Variants in SOX6 observed in about 807,000 individuals in gnomAD.
The protein encoded by SOX6 is SRY-box transcription factor 6, also known as transcription factor SOX-6.
A neutral mutation model predicts 97.8 loss-of-function variants in SOX6; 11 were observed. The ratio of observed to expected loss-of-function variants is 0.11; its 90% CI spans 0.07 to 0.19. The LOEUF (loss-of-function observed/expected upper bound fraction) is 0.19. Among genes scored for constraint, SOX6 ranks in the 10% least tolerant of loss-of-function variants. The pLI, the probability that SOX6 is intolerant of heterozygous loss-of-function variation, is 1.00. For missense variants in SOX6, 810 were observed against 1,039.5 expected (o/e 0.78, Z 3.04); for synonymous variants, 360 against 371.4 (o/e 0.97, Z 0.35).
intron 9 of SOX6, among the ~76,000 whole-genome samples, chr11:16,072,991 C>G (rs1327041445): frequency 6.6e-6 from 1 of 152,180 alleles, no homozygotes; most frequent in Non-Finnish European, 1.5e-5. Flanking sequence ...ACCACAAAAA[C>G]ACACTTAAGT....
chr11:16,257,541 T>C (rs1222224901), intron 3 of SOX6, among the ~76,000 whole-genome samples: 3 of 151,936 alleles, frequency 2.0e-5, no homozygotes, highest in Admixed American at 1.3e-4. Flanking sequence ...TCTTATGCTC[T>C]TCACAAAAAT....
At chr11:16,389,689 C>A (rs1858101972) in intron 1 of SOX6, among the ~76,000 whole-genome samples, 1 of 152,002 alleles carries the variant, frequency 6.6e-6, no homozygotes, top group Non-Finnish European at 1.5e-5. Context: ...AAGCTTACGG[C>A]CGGGTGCGGT....
chr11:16,355,029 T>G (rs1857038525), intron 1 of SOX6, among the ~76,000 whole-genome samples: 1 of 152,008 alleles, frequency 6.6e-6, no homozygotes, highest in Non-Finnish European at 1.5e-5. Flanking sequence ...CTTTAGAAAA[T>G]CAACTTGAGG....
intron 13 of SOX6, among the ~76,000 whole-genome samples, chr11:15,989,458 C>T (rs1452925301): frequency 1.3e-5 from 2 of 152,112 alleles, no homozygotes; most frequent in African/African-American, 4.8e-5. Flanking sequence ...ATACACCCTA[C>T]CACATTTACT....
chr11:16,577,213 A>C (rs996644116), intron 4 of SOX6: 1 of 152,220 alleles, frequency 6.6e-6, no homozygotes, highest in African/African-American at 2.4e-5. Flanking sequence ...CCATGTTCAA[A>C]TGTACACACA....
chr11:16,404,301 C>T (rs1015973317), intron 1 of SOX6, among the ~76,000 whole-genome samples: 3 of 151,878 alleles, frequency 2.0e-5, no homozygotes, highest in African/African-American at 7.2e-5. Flanking sequence ...AATTAACAAT[C>T]TCACTGTTGC....
intron 6 of SOX6, among the ~76,000 whole-genome samples, chr11:16,161,106 G>A (rs1282103271): frequency 2.0e-5 from 3 of 152,038 alleles, no homozygotes; most frequent in African/African-American, 4.8e-5. Context: ...TTTCCATGGT[G>A]TAAATGGTTG....
At chr11:16,727,883 C>T (rs916628621) in intron 2 of SOX6, among the ~76,000 whole-genome samples, 3 of 151,544 alleles carry the variant, frequency 2.0e-5, no homozygotes, top group Admixed American at 1.3e-4. Context: ...GGATTATTAC[C>T]CACTAATTTA....
chr11:16,469,289 G>C (rs1264576926), intron 1 of SOX6, among the ~76,000 whole-genome samples: 1 of 151,936 alleles, frequency 6.6e-6, no homozygotes, highest in African/African-American at 2.4e-5. Flanking sequence ...AATATTCAGG[G>C]ACTGGTCCAA....
At chr11:16,021,088 G>A (rs956656381) in intron 12 of SOX6, among the ~76,000 whole-genome samples, 2 of 152,122 alleles carry the variant, frequency 1.3e-5, no homozygotes, top group African/African-American at 2.4e-5. Flanking sequence ...ATAATTTAAT[G>A]TGAAAAAGAT....
At chr11:16,525,028 C>G (rs1049944258) in intron 4 of SOX6, among the ~76,000 whole-genome samples, 1 of 152,054 alleles carries the variant, frequency 6.6e-6, no homozygotes, top group Non-Finnish European at 1.5e-5. Context: ...GGTAGGAAGA[C>G]TCAATATTGT....
At chr11:15,980,908 A>G (rs1439548864) in intron 15 of SOX6, among the ~76,000 whole-genome samples, 2 of 151,996 alleles carry the variant, frequency 1.3e-5, no homozygotes, top group Non-Finnish European at 1.5e-5. Context: ...TTATATGCTA[A>G]TCTATTCATG....
intron 1 of SOX6, among the ~76,000 whole-genome samples, chr11:16,422,168 TG>T (rs898640350): frequency 2.0e-5 from 3 of 152,210 alleles, no homozygotes; most frequent in African/African-American, 7.2e-5. Context: ...AAAATAAGCC[TG>T]GGTACATTGA....
chr11:16,225,583 C>G (rs1204418456), intron 4 of SOX6, among the ~76,000 whole-genome samples: 1 of 151,174 alleles, frequency 6.6e-6, no homozygotes, highest in Non-Finnish European at 1.5e-5. Context: ...AATGAACAAA[C>G]TAGGAGAGAG....
At chr11:16,642,562 T>C (rs1208612090) in intron 3 of SOX6, among the ~76,000 whole-genome samples, 2 of 152,230 alleles carry the variant, frequency 1.3e-5, no homozygotes, top group African/African-American at 4.8e-5. Flanking sequence ...CAATCAGACG[T>C]AGATTTGGTC....
chr11:16,030,999 G>T (rs1387389807), intron 12 of SOX6, among the ~76,000 whole-genome samples: 1 of 152,062 alleles, frequency 6.6e-6, no homozygotes, highest in Non-Finnish European at 1.5e-5. Context: ...ATGGTAAATG[G>T]TCAGACTTTG....
At chr11:16,379,532 C>T (rs1857744789) in intron 1 of SOX6, among the ~76,000 whole-genome samples, 1 of 151,832 alleles carries the variant, frequency 6.6e-6, no homozygotes, top group South Asian at 2.1e-4. Context: ...GAAAGAAATG[C>T]AAATTATACT....
At chr11:16,413,296 C>A (rs145911244) in intron 1 of SOX6, among the ~76,000 whole-genome samples, 2 of 152,038 alleles carry the variant, frequency 1.3e-5, no homozygotes, top group South Asian at 2.1e-4. Flanking sequence ...GAGACAGCTA[C>A]CCCAAGTAAT....
intron 1 of SOX6, among the ~76,000 whole-genome samples, chr11:16,392,707 CT>C (rs1320056985): frequency 2.4e-4 from 36 of 152,048 alleles, no homozygotes; most frequent in Admixed American, 2.4e-3. Context: ...ATGGTGAAGT[CT>C]AAAGTTCTTA....
Sources: allele counts gnomAD v4.1 joint callset (sites outside exome capture counted in the v4.1 genomes callset), GRCh38; gene constraint gnomAD v4.1.1; transcripts MANE v1.5; gene names NCBI Gene and HGNC (gene_info 2026-07-23, HGNC 2026-07-21).